Variants in DOCK6 observed in about 807,000 individuals in gnomAD.
DOCK6 encodes dedicator of cytokinesis protein 6.
Under a neutral mutation model 230.3 loss-of-function variants are expected in DOCK6, and 167 were observed. The ratio of observed to expected loss-of-function variants is 0.73; its 90% CI spans 0.64 to 0.82. The LOEUF (loss-of-function observed/expected upper bound fraction) is 0.82, where lower values mean the gene tolerates loss of function less well. Ranked by LOEUF, DOCK6 falls within the 40% of genes least tolerant of loss-of-function variation. The pLI is 0.00. For missense variants in DOCK6, 2,598 were observed against 2,825.8 expected (o/e 0.92, Z 1.83); for synonymous variants, 1,148 against 1,185.0 (o/e 0.97, Z 0.64).
rs775358833 is a variant in DOCK6, at chr19:11,248,068, G to A, written c.804C>T (p.Leu268=). Residue 268 remains leucine (L), a splice_region_variant and synonymous_variant, in exon 7 of 48, where the codon CTC becomes CTT. Transcript: ENST00000294618. ...GAGAGACATGTCAGTATACTCACTTGAGCGACAGACACTTGACCAAGATCC... is the reference window on the plus strand; with the variant it reads ...GAGAGACATGTCAGTATACTCACTTAAGCGACAGACACTTGACCAAGATCC... ...GQRILVKCLS[L]KFEIEIEPIF... is the part of the protein sequence containing the mutation. 2 of 1,611,412 alleles carry A rather than the reference G, an allele frequency of 1.2e-6. No homozygotes were observed. The highest frequency in any genetic ancestry group is 2.2e-5 in the South Asian group (2 of 90,420).
intron 9 of DOCK6, among the ~76,000 whole-genome samples, chr19:11,245,076 A>G (rs10413278): frequency 0.64 from 97,602 of 152,034 alleles, 33,781 homozygotes; most frequent in African/African-American, 0.9. Context: ...CCTCCACCTT[A>G]GGCCCTGTGG....
rs767158761 is a variant in DOCK6, at chr19:11,252,867, A to G, written c.224T>C (p.Leu75Pro). The change falls in exon 3 of 48, where the codon CTG becomes CCG. Residue 75 changes from leucine (L) to proline (P), a missense_variant. Transcript: ENST00000294618. ...CAAGTCATCAGCTGGGAATTCTACC[A>G]GGTCCCTGAGGGGCCCGGGCTCAGC... ...PDAEPGPLRDLVEFPADDLEL... is the reference protein window; with the variant it reads ...PDAEPGPLRDPVEFPADDLEL... 5.0e-6 allele frequency: 8 copies of G among 1,613,748 alleles called. No homozygotes were observed. The Admixed American group carries it at 6.7e-5, about 13-fold the overall frequency.
At position 11,245,683 on chromosome 19, in the gene DOCK6, G is replaced by A; in HGVS notation, c.903C>T (p.Asn301=). The change falls in exon 9 of 48, where the codon AAC becomes AAT. Residue 301 remains asparagine (N), a synonymous_variant. Coordinates refer to ENST00000294618, the MANE Select transcript of DOCK6 (RefSeq NM_020812.4). ...KISENFYFDL[N]SDSMKGLLRA... ...GAAGCAGCCCCTTCATGGAGTCCGAGTTCAGGTCGAAGTAGAAGTTCTCCG... is the reference window on the plus strand; with the variant it reads ...GAAGCAGCCCCTTCATGGAGTCCGAATTCAGGTCGAAGTAGAAGTTCTCCG... 6.2e-7 allele frequency: 1 copy of A among 1,607,638 alleles called. No individual in the cohort carries two copies. Among genetic ancestry groups the A allele is most frequent in the Non-Finnish European group, 8.5e-7 (1 of 1,176,382 alleles).
In DOCK6 at chr19:11,215,431, C is replaced by A. The variant is rs767814446; in HGVS notation, c.4062G>T (p.Arg1354=). ...TTTGCTTCCAGTGTGTGACGCTCTT[C>A]CGCCAGCGCACATTCTCCGGATTCC... ...PFGNPENVRW[R]KSVTHWKQTS... Residue 1354 remains arginine, a synonymous_variant, in exon 32 of 48, where the codon CGG becomes CGT. Coordinates refer to ENST00000294618, the MANE Select transcript of DOCK6 (RefSeq NM_020812.4). 3.3e-5 allele frequency: 54 copies of A among 1,613,624 alleles called. No homozygotes were observed. In the East Asian group the frequency reaches 7.6e-4, roughly 23 times the overall value.
rs1169546944 is a variant in DOCK6, at chr19:11,214,551, A to G, written c.4203+2T>C. ...CAAGGCAGATGCTGGATCAAGCCCTACCTGCACGATGATCTCCAGTGTGTC... is the reference window on the plus strand; with the variant it reads ...CAAGGCAGATGCTGGATCAAGCCCTGCCTGCACGATGATCTCCAGTGTGTC... On this transcript the variant is annotated splice_donor_variant, in intron 33 of 47. Transcript: ENST00000294618. LOFTEE classifies it high-confidence loss of function. The G allele has an allele frequency of 2.5e-6, 4 of 1,613,748 alleles. No individual in the cohort carries two copies. The African/African-American group carries it at 4.0e-5, about 16-fold the overall frequency.
At chr19:11,212,356 C>T (rs2079403131) in intron 35 of DOCK6, among the ~76,000 whole-genome samples, 1 of 152,118 alleles carries the variant, frequency 6.6e-6, no homozygotes, top group African/African-American at 2.4e-5. Context: ...ATTCTCCTGC[C>T]TCAGCCTCCC....
In DOCK6 at chr19:11,252,167, G is replaced by A. The variant is rs1284542683; in HGVS notation, c.459C>T (p.Val153=). The A allele has an allele frequency of 1.6e-5, 26 of 1,586,190 alleles. No individual in the cohort carries two copies. The highest frequency in any genetic ancestry group is 2.1e-5 in the Non-Finnish European group (24 of 1,166,604). ...CGTCTCCAGAAGCATCCTGCTCAAA[G>A]ACCTGGCGGGGGAGGCCCTTCTGTC... is the stretch of plus-strand genomic sequence containing the variant. ...RERQKGLPRQ[V]FEQDASGDER... Residue 153 remains valine, a synonymous_variant, in exon 5 of 48, where the codon GTC becomes GTT. Coordinates refer to ENST00000294618, the MANE Select transcript of DOCK6 (RefSeq NM_020812.4).
In DOCK6 at chr19:11,236,190, C is replaced by T; in HGVS notation, c.2392+156G>A. The T allele has an allele frequency of 1.3e-6, 1 of 776,154 alleles. No individual in the cohort carries two copies. The highest frequency in any genetic ancestry group is 1.8e-5 in the African/African-American group (1 of 57,110). 48.1% of individuals were successfully genotyped at this position (776,154 alleles called of 1,614,324 possible). On this transcript the variant is annotated intron_variant, in intron 20 of 47. Transcript: ENST00000294618. The surrounding 1 kb of genome is among the most constrained non-coding windows in gnomAD (Gnocchi z 5.2). ...CCGCTGCACCCGGGCCAAAGGGTCA[C>T]AGAAGACCTTCTCTGGGTGCAGGGG...
At chr19:11,255,456 G>T (rs1410014205) in intron 1 of DOCK6, among the ~76,000 whole-genome samples, 1 of 151,988 alleles carries the variant, frequency 6.6e-6, no homozygotes, top group Non-Finnish European at 1.5e-5. Context: ...TGTGATTACA[G>T]GTGTGCACCA....
At chr19:11,240,729 C>T (rs1048175052) in intron 14 of DOCK6, among the ~76,000 whole-genome samples, 2 of 151,664 alleles carry the variant, frequency 1.3e-5, no homozygotes, top group Non-Finnish European at 2.9e-5. Context: ...ACAGGTGCAC[C>T]AGCTAATTTT....
chr19:11,202,639 A>G lies in DOCK6; in HGVS notation c.5306T>C (p.Phe1769Ser). Residue 1769 changes from phenylalanine (F) to serine (S), a missense_variant, in exon 42 of 48, where the codon TTT (phenylalanine) becomes TCT (serine). Physicochemically the swap from Phe to Ser is radical, Grantham distance 155. Transcript: ENST00000294618. The surrounding 1 kb of genome is among the most constrained non-coding windows in gnomAD (Gnocchi z 5.3). ...AHFGDLDEQE[F>S]VYKEPSITKL... is the part of the protein sequence containing the mutation. ...CGTGATCGATGGCTCCTTGTACACA[A>G]ACTCCTGCTCATCCAGGTCACCGAA... 6.2e-7 allele frequency: 1 copy of G among 1,613,932 alleles called. No individual in the cohort carries two copies. Among genetic ancestry groups the G allele is most frequent in the Non-Finnish European group, 8.5e-7 (1 of 1,179,874 alleles).
chr19:11,212,865 C>CTTTTTTTTTTTTTTTTTTTTTTTTT (rs34049310), intron 35 of DOCK6, among the ~76,000 whole-genome samples: 1 of 104,472 alleles, frequency 9.6e-6, no homozygotes. Flanking sequence ...GTGCCTGGCC[C>CTTTTTTTTTTTTTTTTTTTTTTTTT]TTTTTTTTTT....
intron 35 of DOCK6, 65 bp from the exon 36 acceptor site, chr19:11,212,216 T>C (rs2079400093): frequency 1.3e-6 from 2 of 1,546,584 alleles, no homozygotes; most frequent in South Asian, 2.3e-5. Context: ...CATCAGAGTC[T>C]GCTCAACCTG....
At chr19:11,237,245 G>A (rs572855321) in intron 18 of DOCK6, 1 of 622,608 alleles carries the variant, frequency 1.6e-6, no homozygotes, top group African/African-American at 1.8e-5. Flanking sequence ...GGTGGCTAAA[G>A]TGGGAATGGA....
intron 24 of DOCK6, among the ~76,000 whole-genome samples, chr19:11,225,709 AAAAC>A (rs1173533208): frequency 1.3e-5 from 2 of 151,056 alleles, no homozygotes; most frequent in African/African-American, 4.9e-5. Context: ...AACAAATAAA[AAAAC>A]AAAAACAAAA....
rs763423242 is a variant in DOCK6 at position 11,212,081 on chromosome 19, C to T, written c.4562G>A (p.Ser1521Asn). The T allele has an allele frequency of 1.2e-6, 2 of 1,612,236 alleles. No individual in the cohort carries two copies. Among genetic ancestry groups the T allele is most frequent in the Non-Finnish European group, 1.7e-6 (2 of 1,179,564 alleles). Residue 1521 changes from serine (S) to asparagine (N), a missense_variant, in exon 36 of 48, where the codon AGT becomes AAT. Physicochemically the swap from Ser to Asn is conservative, Grantham distance 46. Transcript: ENST00000294618. ...GAGTGAACGTCGCAGGTGCTCTTCA[C>T]TGAAGTTCTGCGTCGTCCCCACCAG... Reference protein sequence around the residue: ...SSLVGTTQNFSEEHLRRSLKT... With the variant: ...SSLVGTTQNFNEEHLRRSLKT...
chr19:11,203,257 G>A, intron 41 of DOCK6: 1 of 172,782 alleles, frequency 5.8e-6, no homozygotes. Context: ...TGGAAAGGAA[G>A]TAGAATGGCT....
intron 9 of DOCK6, among the ~76,000 whole-genome samples, chr19:11,245,015 A>G (rs1035839043): frequency 2.0e-5 from 3 of 152,074 alleles, no homozygotes; most frequent in African/African-American, 7.2e-5. Flanking sequence ...GTGGGACCCT[A>G]TCCACTCTGT....
In DOCK6 at chr19:11,208,776, C is replaced by T. The variant is rs1425941693; in HGVS notation, c.4998G>A (p.Ser1666=). 5.6e-6 allele frequency: 9 copies of T among 1,613,608 alleles called. No individual in the cohort carries two copies. The highest frequency in any genetic ancestry group is 5.3e-5 in the African/African-American group (4 of 74,906). The change falls in exon 39 of 48, where the codon TCG becomes TCA. Residue 1666 remains serine (S), a synonymous_variant. Coordinates refer to ENST00000294618, the MANE Select transcript of DOCK6 (RefSeq NM_020812.4). ...EESAISDDIL[S]PDEEGFCSGK... is the part of the protein sequence containing the mutation. Reference sequence around the variant, plus strand: ...CGGAGCAGAAGCCCTCCTCGTCGGGCGACAGGATGTCGTCGGAGATGGCGG... The same window carrying T: ...CGGAGCAGAAGCCCTCCTCGTCGGGTGACAGGATGTCGTCGGAGATGGCGG...
Sources: allele counts gnomAD v4.1 joint callset (sites outside exome capture counted in the v4.1 genomes callset), GRCh38; gene constraint gnomAD v4.1.1; non-coding constraint Gnocchi (gnomAD v3.1); transcripts MANE v1.5; gene names NCBI Gene and HGNC (gene_info 2026-07-23, HGNC 2026-07-21).